The following WWC1 variants were observed in gnomAD, a reference collection of about 807,000 sequenced individuals.
WWC1 encodes protein KIBRA.
Under a neutral mutation model 138.4 loss-of-function variants are expected in WWC1, and 55 were observed. That is an observed-to-expected ratio of 0.40 (90% CI 0.32 to 0.50). WWC1 has a LOEUF of 0.50. WWC1 is among the 20% of genes least tolerant of loss of function. The pLI is 0.72. For missense variants in WWC1, 1,226 were observed against 1,420.4 expected (o/e 0.86, Z 2.20); for synonymous variants, 524 against 564.9 (o/e 0.93, Z 1.03).
At chr5:168,297,672 A>G (rs1042920153) in intron 1 of WWC1, among the ~76,000 whole-genome samples, 1 of 151,672 alleles carries the variant, frequency 6.6e-6, no homozygotes, top group East Asian at 1.9e-4. Flanking sequence ...GAGACAAGTG[A>G]CTTGCCCAAG....
intron 1 of WWC1, among the ~76,000 whole-genome samples, chr5:168,333,952 G>A (rs1223172869): frequency 2.1e-5 from 3 of 145,944 alleles, no homozygotes; most frequent in African/African-American, 7.5e-5. Context: ...GGGGGCTCAT[G>A]CCTATAATCA....
intron 1 of WWC1, among the ~76,000 whole-genome samples, chr5:168,295,519 T>TGTGTGTGTGTG (rs70976473): frequency 3.3e-5 from 5 of 151,694 alleles, no homozygotes; most frequent in African/African-American, 1.2e-4. Context: ...TGTGTGTGTG[T>TGTGTGTGTGTG]TTATTTGCCT....
chr5:168,304,263 C>G (rs1337706761), intron 1 of WWC1, among the ~76,000 whole-genome samples: 5 of 152,150 alleles, frequency 3.3e-5, no homozygotes, highest in African/African-American at 1.2e-4. Context: ...TCTTGTTTCT[C>G]TCTGAGCAAA....
At chr5:168,324,386 C>T (rs1772362154) in intron 1 of WWC1, among the ~76,000 whole-genome samples, 1 of 152,030 alleles carries the variant, frequency 6.6e-6, no homozygotes, top group South Asian at 2.1e-4. Context: ...TGAGTTGAGA[C>T]TGTGCCGCTA....
intron 10 of WWC1, 70 bp from the exon 11 acceptor site, chr5:168,423,463 T>C: frequency 6.7e-7 from 1 of 1,503,090 alleles, no homozygotes; most frequent in Non-Finnish European, 9.0e-7. Context: ...TTTCCAGAGC[T>C]CAGCAGAAGG....
At chr5:168,403,750 A>G (rs1779566044) in intron 5 of WWC1, among the ~76,000 whole-genome samples, 1 of 152,128 alleles carries the variant, frequency 6.6e-6, no homozygotes, top group African/African-American at 2.4e-5. Flanking sequence ...GTGTCTGGAC[A>G]GGACCAGGAG....
At chr5:168,349,886 A>C (rs951761976) in intron 1 of WWC1, among the ~76,000 whole-genome samples, 8 of 152,122 alleles carry the variant, frequency 5.3e-5, no homozygotes, top group African/African-American at 1.4e-4. Flanking sequence ...TTGTTTCCTC[A>C]AAATAACACT....
At chr5:168,398,531 C>A (rs1447727269) in intron 4 of WWC1, among the ~76,000 whole-genome samples, 1 of 152,166 alleles carries the variant, frequency 6.6e-6, no homozygotes, top group Non-Finnish European at 1.5e-5. Flanking sequence ...ACTGATTATT[C>A]TGCATTATCT....
intron 1 of WWC1, among the ~76,000 whole-genome samples, chr5:168,298,635 C>A (rs937833809): frequency 6.6e-6 from 1 of 151,880 alleles, no homozygotes; most frequent in South Asian, 2.1e-4. Flanking sequence ...ATTTGGTAAC[C>A]CAGAGAAGAA....
In WWC1 at chr5:168,394,003, C is replaced by T. The variant is rs73805116; in HGVS notation, c.434-3721C>T. On this transcript the variant is annotated intron_variant, in intron 3 of 22. Transcript: ENST00000265293. Reference sequence around the variant, plus strand: ...CTGATTGCACCCTGAATAGTGTTTGCAGAGTAAAAATAATGCAAACACTGA... The same window carrying T: ...CTGATTGCACCCTGAATAGTGTTTGTAGAGTAAAAATAATGCAAACACTGA... Among the ~76,000 whole-genome samples the T allele has an allele frequency of 9.3e-3, 1,421 of 152,266 alleles. 27 individuals carry two copies. Among genetic ancestry groups the T allele is most frequent in the African/African-American group, 0.032 (1,346 of 41,530 alleles).
chr5:168,404,182 C>T (rs1221653155), intron 5 of WWC1, among the ~76,000 whole-genome samples: 1 of 152,194 alleles, frequency 6.6e-6, no homozygotes, highest in East Asian at 1.9e-4. Context: ...CAGCTGGGCA[C>T]AGCCCCCTCC....
intron 4 of WWC1, among the ~76,000 whole-genome samples, chr5:168,398,519 C>T (rs1779079050): frequency 6.6e-6 from 1 of 152,290 alleles, no homozygotes; most frequent in South Asian, 2.1e-4. Flanking sequence ...GTCTTCCTAG[C>T]TACTGATTAT....
At chr5:168,348,779 G>A (rs1774689438) in intron 1 of WWC1, among the ~76,000 whole-genome samples, 1 of 152,060 alleles carries the variant, frequency 6.6e-6, no homozygotes, top group South Asian at 2.1e-4. Context: ...ATTTGATTGG[G>A]GTGGGGCCAG....
intron 1 of WWC1, among the ~76,000 whole-genome samples, chr5:168,294,515 C>T (rs1769351455): frequency 6.6e-6 from 1 of 151,828 alleles, no homozygotes; most frequent in Admixed American, 6.6e-5. Flanking sequence ...TGTTTTTAAG[C>T]AGATTGGCAA....
intron 2 of WWC1, among the ~76,000 whole-genome samples, chr5:168,377,624 T>A (rs1777301446): frequency 6.6e-6 from 1 of 151,780 alleles, no homozygotes; most frequent in Non-Finnish European, 1.5e-5. Context: ...AGCAAAACAA[T>A]AAACAGACAC....
At chr5:168,445,724 AAG>A (rs1436879896) in intron 17 of WWC1, among the ~76,000 whole-genome samples, 6 of 150,186 alleles carry the variant, frequency 4.0e-5, no homozygotes, top group Non-Finnish European at 5.9e-5. Flanking sequence ...AAAAAAAAAA[AAG>A]AGTAAGCAGT....
At chr5:168,333,639 G>A (rs540970822) in intron 1 of WWC1, among the ~76,000 whole-genome samples, 3 of 152,120 alleles carry the variant, frequency 2.0e-5, no homozygotes, top group Admixed American at 6.5e-5. Flanking sequence ...GTGTGGCTGC[G>A]GAACTGTCCT....
intron 1 of WWC1, among the ~76,000 whole-genome samples, chr5:168,326,892 TG>T (rs56333245): frequency 0.2 from 30,830 of 152,098 alleles, 3,802 homozygotes; most frequent in Admixed American, 0.31. Context: ...AATAAGCATG[TG>T]GGAAAGTTTA....
intron 1 of WWC1, among the ~76,000 whole-genome samples, chr5:168,356,346 C>T (rs1167917277): frequency 6.6e-6 from 1 of 152,230 alleles, no homozygotes; most frequent in East Asian, 1.9e-4. Flanking sequence ...GGTGTCTGGC[C>T]CAAGCTCTCA....
Sources: allele counts gnomAD v4.1 joint callset (sites outside exome capture counted in the v4.1 genomes callset), GRCh38; gene constraint gnomAD v4.1.1; transcripts MANE v1.5; gene names NCBI Gene and HGNC (gene_info 2026-07-23, HGNC 2026-07-21).